The following ZMAT4 variants were observed in gnomAD, a reference collection of about 807,000 sequenced individuals.
The protein encoded by ZMAT4 is zinc finger matrin-type 4.
Under a neutral mutation model 28.7 loss-of-function variants are expected in ZMAT4, and 17 were observed. The ratio of observed to expected loss-of-function variants is 0.59; its 90% CI spans 0.41 to 0.89. The LOEUF (loss-of-function observed/expected upper bound fraction) is 0.89, where lower values mean the gene tolerates loss of function less well. ZMAT4 is among the 40% of genes least tolerant of loss of function. ZMAT4 has a pLI of 0.00. For missense variants in ZMAT4, 240 were observed against 283.8 expected, an observed-to-expected ratio of 0.85 and a Z score of 1.11; for synonymous variants, 117 against 109.2, an observed-to-expected ratio of 1.07 and a Z score of -0.44.
intron 3 of ZMAT4, among the ~76,000 whole-genome samples, chr8:40,749,206 C>T (rs977474898): frequency 6.6e-6 from 1 of 152,086 alleles, no homozygotes; most frequent in African/African-American, 2.4e-5. Context: ...CAGACTAATA[C>T]ACTATCAAAT....
chr8:40,750,046 C>T (rs1372523865), intron 3 of ZMAT4, among the ~76,000 whole-genome samples: 1 of 152,134 alleles, frequency 6.6e-6, no homozygotes, highest in Non-Finnish European at 1.5e-5. Context: ...TACATCACTC[C>T]TATTTTTAAA....
chr8:40,845,293 C>T (rs746105866), intron 1 of ZMAT4, among the ~76,000 whole-genome samples: 10 of 152,148 alleles, frequency 6.6e-5, no homozygotes, highest in Admixed American at 1.3e-4. Flanking sequence ...TAGGCATCTT[C>T]ATTATTATTT....
At chr8:40,665,280 G>A (rs1177563391) in intron 5 of ZMAT4, among the ~76,000 whole-genome samples, 2 of 152,006 alleles carry the variant, frequency 1.3e-5, no homozygotes, top group African/African-American at 4.8e-5. Flanking sequence ...ACCAGGTTCT[G>A]CTTATCTTGT....
intron 3 of ZMAT4, among the ~76,000 whole-genome samples, chr8:40,754,766 C>T (rs1340832872): frequency 3.3e-5 from 5 of 152,154 alleles, no homozygotes; most frequent in African/African-American, 4.8e-5. Flanking sequence ...AATCCTAGCA[C>T]TTTGAGAGGC....
chr8:40,782,884 C>T (rs749065429), intron 2 of ZMAT4, among the ~76,000 whole-genome samples: 2 of 152,168 alleles, frequency 1.3e-5, no homozygotes, highest in Non-Finnish European at 2.9e-5. Flanking sequence ...TTCACACATG[C>T]TAAGGTGGCC....
chr8:40,738,923 T>A (rs960810494), intron 3 of ZMAT4, among the ~76,000 whole-genome samples: 1 of 152,210 alleles, frequency 6.6e-6, no homozygotes, highest in Non-Finnish European at 1.5e-5. Context: ...ACTTCATTAA[T>A]CGTGAAATTT....
chr8:40,601,634 G>A (rs1169243817), intron 5 of ZMAT4, among the ~76,000 whole-genome samples: 3 of 26,868 alleles, frequency 1.1e-4, no homozygotes, highest in Admixed American at 2.9e-4. Context: ...AAGAAAGAAA[G>A]AGAAAGAAAG....
At chr8:40,704,967 G>A (rs1337920651) in intron 3 of ZMAT4, among the ~76,000 whole-genome samples, 1 of 152,212 alleles carries the variant, frequency 6.6e-6, no homozygotes, top group East Asian at 1.9e-4. Context: ...GGAAGCTGTA[G>A]TGTCTACAGG....
intron 6 of ZMAT4, among the ~76,000 whole-genome samples, chr8:40,564,979 A>AT (rs1457679196): frequency 6.6e-6 from 1 of 152,202 alleles, no homozygotes; most frequent in Admixed American, 6.5e-5. Flanking sequence ...TTACTCTTTT[A>AT]TCTGTACACT....
chr8:40,873,163 C>T (rs1347354018), intron 1 of ZMAT4, among the ~76,000 whole-genome samples: 2 of 152,178 alleles, frequency 1.3e-5, no homozygotes, highest in Admixed American at 6.5e-5. Context: ...TGAGAAGCCC[C>T]CTGTGTCACC....
intron 4 of ZMAT4, among the ~76,000 whole-genome samples, chr8:40,695,553 G>A (rs536418154): frequency 1.3e-5 from 2 of 152,200 alleles, no homozygotes; most frequent in Non-Finnish European, 2.9e-5. Context: ...AGGGAGGGCT[G>A]AGCTAGTCCC....
chr8:40,784,322 A>G (rs549536594), intron 2 of ZMAT4, among the ~76,000 whole-genome samples: 2 of 152,356 alleles, frequency 1.3e-5, no homozygotes, highest in East Asian at 3.9e-4. Flanking sequence ...GAAAAACTGC[A>G]TATCTAAATC....
At chr8:40,860,338 A>T (rs1272388613) in intron 1 of ZMAT4, among the ~76,000 whole-genome samples, 5 of 152,176 alleles carry the variant, frequency 3.3e-5, no homozygotes, top group Admixed American at 3.3e-4. Flanking sequence ...GTATTTATCA[A>T]GGTCATTGCC....
chr8:40,700,205 T>C (rs1333636834), intron 3 of ZMAT4, among the ~76,000 whole-genome samples: 1 of 151,826 alleles, frequency 6.6e-6, no homozygotes, highest in South Asian at 2.1e-4. Flanking sequence ...ATCAAAGAAC[T>C]AGAGTCTCAT....
chr8:40,862,842 G>A (rs931918142), intron 1 of ZMAT4, among the ~76,000 whole-genome samples: 1 of 151,378 alleles, frequency 6.6e-6, no homozygotes, highest in Non-Finnish European at 1.5e-5. Flanking sequence ...GAGGGGGAGG[G>A]CTAGCATTAG....
At chr8:40,768,011 C>T (rs1325078688) in intron 2 of ZMAT4, among the ~76,000 whole-genome samples, 1 of 152,010 alleles carries the variant, frequency 6.6e-6, no homozygotes, top group Non-Finnish European at 1.5e-5. Flanking sequence ...ATTTAATTTT[C>T]CTCAAAAATA....
At chr8:40,581,078 T>C (rs930383000) in intron 6 of ZMAT4, 87 bp downstream of exon 6, 2 of 1,096,074 alleles carry the variant, frequency 1.8e-6, no homozygotes, top group South Asian at 1.4e-5. Flanking sequence ...TCTACTTATT[T>C]AGAAATAGAT....
intron 5 of ZMAT4, among the ~76,000 whole-genome samples, chr8:40,630,128 C>T (rs1193376458): frequency 6.6e-6 from 1 of 152,206 alleles, no homozygotes; most frequent in Non-Finnish European, 1.5e-5. Context: ...GTCCAACCCT[C>T]AACAGTATTT....
At chr8:40,870,524 C>T (rs1033725472) in intron 1 of ZMAT4, among the ~76,000 whole-genome samples, 5 of 152,174 alleles carry the variant, frequency 3.3e-5, no homozygotes, top group African/African-American at 1.2e-4. Flanking sequence ...CTGATTAATT[C>T]TAGAAGAGAA....
Sources: gnomAD v4.1 joint callset for allele counts (sites outside exome capture counted in the v4.1 genomes callset) on GRCh38, gnomAD v4.1.1 for gene constraint, MANE v1.5 for transcripts, NCBI Gene and HGNC (gene_info 2026-07-23, HGNC 2026-07-21) for gene names.